The following BBS2 variants were observed in gnomAD, a reference collection of about 807,000 sequenced individuals.
BBS2 encodes BBSome complex member BBS2.
In BBS2, 62 loss-of-function variants were observed where a neutral mutation model predicts 83.0. The ratio of observed to expected loss-of-function variants is 0.75; its 90% CI spans 0.61 to 0.92. The LOEUF (loss-of-function observed/expected upper bound fraction) is 0.92. BBS2 is among the 40% of genes least tolerant of loss of function. The pLI is 0.00. For missense variants in BBS2, 784 were observed against 901.0 expected (o/e 0.87, Z 1.66); for synonymous variants, 303 against 326.1 (o/e 0.93, Z 0.76).
intron 15 of BBS2, among the ~76,000 whole-genome samples, chr16:56,491,654 A>C (rs1483539663): frequency 1.3e-5 from 2 of 151,768 alleles, no homozygotes. Context: ...AAGAAATGGA[A>C]ATGGCCCTGA....
intron 7 of BBS2, among the ~76,000 whole-genome samples, chr16:56,505,287 A>G (rs768385260): frequency 6.6e-6 from 1 of 152,238 alleles, no homozygotes; most frequent in Non-Finnish European, 1.5e-5. Flanking sequence ...CACCAAAGGA[A>G]TGCTTACAAG....
chr16:56,501,446 G>T lies in BBS2; in HGVS notation c.1132C>A (p.Pro378Thr). The change falls in exon 10 of 17, where the codon CCA becomes ACA. Residue 378 changes from proline to threonine, a missense_variant. Physicochemically the swap from Pro to Thr is conservative, Grantham distance 38. Transcript: ENST00000245157. ...NEADGHRGIIPANTRLHTTLS... is the reference protein window; with the variant it reads ...NEADGHRGIITANTRLHTTLS... ...GTGGTGTGGAGCCTGGTATTGGCTG[G>T]GATTATGCCCCGATGCCCATCAGCC... 1 of 1,614,082 alleles carries T rather than the reference G, an allele frequency of 6.2e-7. No homozygotes were observed. Among genetic ancestry groups the T allele is most frequent in the Non-Finnish European group, 8.5e-7 (1 of 1,180,008 alleles).
chr16:56,503,145 C>G (rs552783616), intron 7 of BBS2, among the ~76,000 whole-genome samples: 1 of 152,342 alleles, frequency 6.6e-6, no homozygotes, highest in East Asian at 1.9e-4. Flanking sequence ...CCAAACCGCT[C>G]AGGTTCAGAA....
At chr16:56,497,664 AC>A in intron 14 of BBS2, 78 bp downstream of exon 14, 1 of 1,575,566 alleles carries the variant, frequency 6.3e-7, no homozygotes, top group East Asian at 2.2e-5. Flanking sequence ...TAACATAAGT[AC>A]ATTTGTAGTA....
intron 15 of BBS2, among the ~76,000 whole-genome samples, chr16:56,486,987 C>T (rs536664923): frequency 9.9e-5 from 15 of 152,068 alleles, no homozygotes; most frequent in African/African-American, 2.9e-4. Flanking sequence ...TGGTCTCGAA[C>T]TCCTGGCTTC....
At chr16:56,507,947 G>A (rs377585245) in intron 5 of BBS2, among the ~76,000 whole-genome samples, 17 of 152,178 alleles carry the variant, frequency 1.1e-4, no homozygotes, top group Admixed American at 5.9e-4. Context: ...CAGCATGGGC[G>A]ACAAGAGCGA....
At chr16:56,498,612 A>G in intron 12 of BBS2, 44 bp from the exon 13 acceptor site, 1 of 1,613,144 alleles carries the variant, frequency 6.2e-7, no homozygotes. Context: ...TTTAAGGTAC[A>G]GACGTTCTTT....
chr16:56,501,127 G>A (rs1409802786), intron 10 of BBS2, 102 bp from the exon 11 acceptor site: 62 of 1,400,838 alleles, frequency 4.4e-5, no homozygotes, highest in Admixed American at 3.9e-4. Context: ...TGGCTAACAC[G>A]GTGAAACCCT....
chr16:56,508,790 C>A (rs555182864), intron 5 of BBS2, among the ~76,000 whole-genome samples: 32 of 152,062 alleles, frequency 2.1e-4, no homozygotes, highest in African/African-American at 7.7e-4. Context: ...GGACTACAGA[C>A]GTGTGCCATC....
chr16:56,510,818 T>C, intron 4 of BBS2, 41 bp downstream of exon 4: 1 of 1,605,498 alleles, frequency 6.2e-7, no homozygotes, highest in Non-Finnish European at 8.5e-7. Flanking sequence ...CAAAATTCAT[T>C]TGGCTGAACA....
At chr16:56,474,195 A>G (rs1032191366) in intron 17 of BBS2, among the ~76,000 whole-genome samples, 1 of 152,166 alleles carries the variant, frequency 6.6e-6, no homozygotes, top group Admixed American at 6.5e-5. Flanking sequence ...TTTAGGTAAT[A>G]ACATGCTGAG....
chr16:56,481,178 A>C (rs1272954869), downstream of BBS2, among the ~76,000 whole-genome samples: 1 of 152,000 alleles, frequency 6.6e-6, no homozygotes, highest in Non-Finnish European at 1.5e-5. Context: ...AAACACTTCT[A>C]GGGTTGCATA....
chr16:56,501,759 T>C (rs898601793), intron 9 of BBS2: 11 of 498,868 alleles, frequency 2.2e-5, no homozygotes, highest in Admixed American at 1.3e-4. Context: ...TTTGAAGTAT[T>C]GTTCTTTTAA....
chr16:56,509,825 AC>A, intron 5 of BBS2, 131 bp downstream of exon 5: 3 of 818,694 alleles, frequency 3.7e-6, no homozygotes, highest in Non-Finnish European at 6.4e-6. Flanking sequence ...GCTCTGTCTG[AC>A]CCCCTCCCCA....
At position 56,484,391 on chromosome 16, in the gene BBS2, A is replaced by T. The variant is rs1165111161; in HGVS notation, c.*370T>A. On this transcript the variant is annotated 3_prime_UTR_variant, in exon 17 of 17. Coordinates refer to ENST00000245157, the MANE Select transcript of BBS2 (RefSeq NM_031885.5). ...ATAATCAATCAACACAAAGTTTAAC[A>T]TCTTTACATTTTAATGAAAAAGTAG... 5.2e-6 allele frequency: 1 copy of T among 193,588 alleles called. No individual in the cohort carries two copies. The highest frequency in any genetic ancestry group is 1.1e-5 in the Non-Finnish European group (1 of 92,018). The allele number at this position is 193,588 out of a possible 1,614,324, so 12.0% of individuals were successfully genotyped here.
downstream of BBS2, among the ~76,000 whole-genome samples, chr16:56,481,056 T>C (rs139576835): frequency 2.4e-4 from 36 of 152,260 alleles, no homozygotes; most frequent in Non-Finnish European, 1.5e-4. Flanking sequence ...AGTTTCCAAA[T>C]GAAATTGGAG....
intron 15 of BBS2, among the ~76,000 whole-genome samples, chr16:56,492,245 C>T (rs1279958493): frequency 6.6e-6 from 1 of 151,996 alleles, no homozygotes; most frequent in Non-Finnish European, 1.5e-5. Flanking sequence ...CAATAACCAA[C>T]ATGTGGAAAA....
intron 4 of BBS2, 129 bp from the exon 5 acceptor site, chr16:56,510,163 G>A (rs1009003502): frequency 2.5e-5 from 19 of 766,686 alleles, no homozygotes; most frequent in African/African-American, 6.9e-5. Context: ...CCTCATAATC[G>A]TTTGATGCTC....
At chr16:56,492,962 A>G (rs4784674) in intron 15 of BBS2, among the ~76,000 whole-genome samples, 103,616 of 151,472 alleles carry the variant, frequency 0.68, 37,274 homozygotes, top group African/African-American at 0.92. Context: ...AGTAAAAAAA[A>G]AACAATCCAA....
Sources: gnomAD v4.1 joint callset for allele counts (sites outside exome capture counted in the v4.1 genomes callset) on GRCh38, gnomAD v4.1.1 for gene constraint, MANE v1.5 for transcripts, NCBI Gene and HGNC (gene_info 2026-07-23, HGNC 2026-07-21) for gene names.